Variants in GABRB1 observed in about 807,000 individuals in gnomAD.
The protein encoded by GABRB1 is gamma-aminobutyric acid type A receptor subunit beta1.
In GABRB1, 17 loss-of-function variants were observed where a neutral mutation model predicts 51.6. The observed-to-expected ratio is 0.33, with a 90% confidence interval of 0.23 to 0.49. The LOEUF (loss-of-function observed/expected upper bound fraction) is 0.49. Ranked by LOEUF, GABRB1 falls within the 20% of genes least tolerant of loss-of-function variation. The probability of loss-of-function intolerance (pLI) is 0.99; values close to 1 mark genes in which losing one functional copy is unlikely to be tolerated. For missense variants in GABRB1, 410 were observed against 600.6 expected (o/e 0.68, Z 3.32); for synonymous variants, 247 against 218.9 (o/e 1.13, Z -1.14).
At chr4:47,201,471 C>T (rs950712186) in intron 4 of GABRB1, among the ~76,000 whole-genome samples, 2 of 152,126 alleles carry the variant, frequency 1.3e-5, no homozygotes, top group East Asian at 3.9e-4. Context: ...CAGTGAAAGG[C>T]TATTTATTCT....
chr4:47,120,959 TGGCTGGTGTCTCACTA>T (rs1456126197), intron 3 of GABRB1, among the ~76,000 whole-genome samples: 1 of 152,204 alleles, frequency 6.6e-6, no homozygotes, highest in Non-Finnish European at 1.5e-5. Context: ...CAAGCTGCCC[TGGCTGGTGTCTCACTA>T]GGCTGCATGC....
rs377354807 is a variant in GABRB1 at position 47,320,005 on chromosome 4, T to C, written c.462-122T>C. 7.6e-4 allele frequency: 545 copies of C among 718,414 alleles called. 6 individuals are homozygous for C. In the South Asian group the frequency reaches 7.9e-3, roughly 10 times the overall value. The allele number at this position is 718,414 out of a possible 1,614,324, so 44.5% of individuals were successfully genotyped here. A position where few individuals can be genotyped will look rare whatever the true frequency, so the allele number is the denominator to read the frequency against. On this transcript the variant is annotated intron_variant, in intron 4 of 8. Transcript: ENST00000295454. The stretch of plus-strand genomic sequence containing the variant: ...AATTATTCATAATAGTTTCTTAAAA[T>C]CTCACAAAATTTTGATGCCTTGTTT...
intron 5 of GABRB1, among the ~76,000 whole-genome samples, chr4:47,373,835 G>A (rs747755074): frequency 6.6e-6 from 1 of 152,162 alleles, no homozygotes; most frequent in Non-Finnish European, 1.5e-5. Flanking sequence ...GATACATATA[G>A]AGTGCGTATC....
At chr4:47,082,016 G>A (rs1240755583) in intron 3 of GABRB1, among the ~76,000 whole-genome samples, 1 of 151,962 alleles carries the variant, frequency 6.6e-6, no homozygotes, top group Non-Finnish European at 1.5e-5. Context: ...TTAAGTAGCT[G>A]TAAATAACTT....
At chr4:47,402,904 T>C (rs1728444152) in intron 5 of GABRB1, among the ~76,000 whole-genome samples, 2 of 152,216 alleles carry the variant, frequency 1.3e-5, no homozygotes, top group Admixed American at 1.3e-4. Flanking sequence ...CTTTACACTA[T>C]CTGTTATCCA....
chr4:47,219,274 T>G (rs1258811418), intron 4 of GABRB1, among the ~76,000 whole-genome samples: 1 of 151,890 alleles, frequency 6.6e-6, no homozygotes, highest in Non-Finnish European at 1.5e-5. Flanking sequence ...TATAAGGAAT[T>G]GGCTGAGTTA....
At chr4:47,197,532 G>A (rs1027958569) in intron 4 of GABRB1, among the ~76,000 whole-genome samples, 2 of 152,002 alleles carry the variant, frequency 1.3e-5, no homozygotes, top group South Asian at 2.1e-4. Context: ...TCATTTCCTC[G>A]GGCTGAAACA....
intron 4 of GABRB1, among the ~76,000 whole-genome samples, chr4:47,266,339 T>A (rs1722638479): frequency 6.6e-6 from 1 of 152,170 alleles, no homozygotes; most frequent in Non-Finnish European, 1.5e-5. Flanking sequence ...AGTAATATAT[T>A]TTGAAGTCAA....
At chr4:47,366,244 T>G (rs941883481) in intron 5 of GABRB1, among the ~76,000 whole-genome samples, 19 of 152,218 alleles carry the variant, frequency 1.2e-4, no homozygotes, top group African/African-American at 4.6e-4. Flanking sequence ...GACACAGATC[T>G]CTTCAGTGTG....
intron 3 of GABRB1, among the ~76,000 whole-genome samples, chr4:47,126,287 G>C (rs1716140158): frequency 6.6e-6 from 1 of 152,022 alleles, no homozygotes; most frequent in Non-Finnish European, 1.5e-5. Context: ...CAAAGATGTT[G>C]GTCAGGTTAT....
intron 3 of GABRB1, among the ~76,000 whole-genome samples, chr4:47,117,793 T>C (rs1260949835): frequency 6.6e-6 from 1 of 152,224 alleles, no homozygotes; most frequent in Non-Finnish European, 1.5e-5. Flanking sequence ...GACTGCATTA[T>C]CTCCAGTTTC....
intron 5 of GABRB1, among the ~76,000 whole-genome samples, chr4:47,361,770 G>A (rs80352644): frequency 6.6e-6 from 1 of 152,282 alleles, no homozygotes; most frequent in African/African-American, 2.4e-5. Context: ...CCAAGTTTCT[G>A]AATGGTGCAA....
intron 1 of GABRB1, among the ~76,000 whole-genome samples, chr4:47,007,642 A>C (rs1724447289): frequency 6.6e-6 from 1 of 152,072 alleles, no homozygotes; most frequent in Admixed American, 6.6e-5. Context: ...AGAATGAAGA[A>C]TGTCAACGAA....
At chr4:47,383,487 A>C (rs1230807772) in intron 5 of GABRB1, among the ~76,000 whole-genome samples, 1 of 152,060 alleles carries the variant, frequency 6.6e-6, no homozygotes, top group Non-Finnish European at 1.5e-5. Flanking sequence ...GATAGATTAT[A>C]CCTAAAAAAA....
At chr4:47,114,663 T>C (rs1465976964) in intron 3 of GABRB1, among the ~76,000 whole-genome samples, 2 of 152,218 alleles carry the variant, frequency 1.3e-5, no homozygotes, top group Non-Finnish European at 2.9e-5. Flanking sequence ...GTCACAGGCA[T>C]TTTAATGAGA....
chr4:47,055,448 C>A (rs1726546006), intron 3 of GABRB1, among the ~76,000 whole-genome samples: 1 of 152,190 alleles, frequency 6.6e-6, no homozygotes, highest in South Asian at 2.1e-4. Context: ...GTGTAGAAGG[C>A]ACTCAAGTGG....
intron 3 of GABRB1, among the ~76,000 whole-genome samples, chr4:47,093,799 C>T (rs1714254935): frequency 6.6e-6 from 1 of 152,160 alleles, no homozygotes; most frequent in African/African-American, 2.4e-5. Context: ...GGCAAAATCT[C>T]TCTTAAGATA....
intron 4 of GABRB1, among the ~76,000 whole-genome samples, chr4:47,269,524 AG>A (rs751737163): frequency 5.9e-5 from 9 of 151,982 alleles, no homozygotes; most frequent in Non-Finnish European, 1.3e-4. Flanking sequence ...GGTGTGGGGG[AG>A]GGGGTAGGTT....
At chr4:47,274,160 T>C (rs566458664) in intron 4 of GABRB1, among the ~76,000 whole-genome samples, 1 of 152,316 alleles carries the variant, frequency 6.6e-6, no homozygotes, top group South Asian at 2.1e-4. Context: ...ATCCAAATTT[T>C]ACTTCTTGCT....
Sources: allele counts gnomAD v4.1 joint callset (sites outside exome capture counted in the v4.1 genomes callset), GRCh38; gene constraint gnomAD v4.1.1; transcripts MANE v1.5; gene names NCBI Gene and HGNC (gene_info 2026-07-23, HGNC 2026-07-21).